ANXA11: variants seen among roughly 807,000 people sequenced by gnomAD.
The protein encoded by ANXA11 is annexin A11, also known as 56 kDa autoantigen.
In ANXA11, 57 loss-of-function variants were observed where a neutral mutation model predicts 64.7. The observed-to-expected ratio is 0.88, with a 90% CI of 0.71 to 1.10. ANXA11 has a LOEUF of 1.10. Ranked by LOEUF, ANXA11 falls within the 50% of genes least tolerant of loss-of-function variation. The pLI is 0.00. For missense variants in ANXA11, 675 were observed against 670.7 expected (o/e 1.01, Z -0.07); for synonymous variants, 260 against 265.2 (o/e 0.98, Z 0.19).
intron 1 of ANXA11, among the ~76,000 whole-genome samples, chr10:80,202,769 G>C (rs942135147): frequency 6.6e-6 from 1 of 152,092 alleles, no homozygotes; most frequent in South Asian, 2.1e-4. Flanking sequence ...GAGGAGGCCG[G>C]GCACGGTGAC....
At chr10:80,157,310 C>A in intron 15 of ANXA11, 1 of 985,400 alleles carries the variant, frequency 1.0e-6, no homozygotes, top group Non-Finnish European at 1.2e-6. Flanking sequence ...CAGAGCTCCA[C>A]AGAGCCTTTG....
At chr10:80,166,729 C>T (rs1845754622) in intron 7 of ANXA11, 161 bp downstream of exon 7, 1 of 636,760 alleles carries the variant, frequency 1.6e-6, no homozygotes, top group Non-Finnish European at 2.8e-6. Flanking sequence ...TCCTTCACCT[C>T]CCAACGATGC....
intron 1 of ANXA11, among the ~76,000 whole-genome samples, chr10:80,191,013 G>A (rs992484479): frequency 6.6e-6 from 1 of 151,924 alleles, no homozygotes; most frequent in African/African-American, 2.4e-5. Context: ...ATCACCTGAG[G>A]TCAGGAGCTT....
intron 1 of ANXA11, among the ~76,000 whole-genome samples, chr10:80,204,310 TG>T (rs1340438813): frequency 6.6e-6 from 1 of 152,196 alleles, no homozygotes; most frequent in Non-Finnish European, 1.5e-5. Context: ...GTTAATCCCC[TG>T]GAATCCCCAA....
At chr10:80,162,901 C>G (rs1397053284) in intron 11 of ANXA11, among the ~76,000 whole-genome samples, 2 of 152,156 alleles carry the variant, frequency 1.3e-5, no homozygotes, top group Non-Finnish European at 2.9e-5. Context: ...GACTTTTCCC[C>G]TTTTGTCTGC....
chr10:80,158,429 C>T (rs1485367164), intron 13 of ANXA11, among the ~76,000 whole-genome samples: 1 of 152,140 alleles, frequency 6.6e-6, no homozygotes. Flanking sequence ...GAATGTGCAT[C>T]TCCCTAGGCT....
intron 4 of ANXA11, among the ~76,000 whole-genome samples, chr10:80,169,701 G>T (rs922167717): frequency 1.3e-5 from 2 of 152,142 alleles, no homozygotes; most frequent in African/African-American, 4.8e-5. Context: ...AGGGTTGGGG[G>T]CATCCCCATC....
intron 5 of ANXA11, among the ~76,000 whole-genome samples, chr10:80,168,255 G>C (rs944993477): frequency 4.0e-5 from 6 of 151,674 alleles, no homozygotes; most frequent in South Asian, 2.1e-4. Context: ...TCTGTGCCGG[G>C]GGGGGCGGGG....
At chr10:80,183,554 G>C (rs1180236806) in intron 1 of ANXA11, among the ~76,000 whole-genome samples, 2 of 152,252 alleles carry the variant, frequency 1.3e-5, no homozygotes, top group African/African-American at 4.8e-5. Context: ...CATCACACGG[G>C]TGTGGCGGAG....
chr10:80,178,210 G>GCGCTCT (rs60897345), intron 1 of ANXA11, among the ~76,000 whole-genome samples: 4 of 149,168 alleles, frequency 2.7e-5, no homozygotes, highest in African/African-American at 9.9e-5. Context: ...CAGAAGATCT[G>GCGCTCT]CTCTCTCTCT....
At chr10:80,195,573 C>T (rs907236864) in intron 1 of ANXA11, among the ~76,000 whole-genome samples, 13 of 152,240 alleles carry the variant, frequency 8.5e-5, no homozygotes, top group Admixed American at 6.5e-4. Flanking sequence ...CAGGACACCT[C>T]TGCTTAGGTG....
intron 12 of ANXA11, among the ~76,000 whole-genome samples, chr10:80,159,717 G>GC (rs1845430502): frequency 1.3e-5 from 2 of 152,144 alleles, no homozygotes; most frequent in Non-Finnish European, 2.9e-5. Flanking sequence ...CAAGTTACAT[G>GC]CACCACCTGA....
intron 1 of ANXA11, among the ~76,000 whole-genome samples, chr10:80,200,304 C>T (rs1233825350): frequency 6.6e-6 from 1 of 152,180 alleles, no homozygotes; most frequent in Non-Finnish European, 1.5e-5. Flanking sequence ...ATTTCTGAGC[C>T]TTTCACTTAT....
At chr10:80,197,486 A>C (rs1183984184) in intron 1 of ANXA11, among the ~76,000 whole-genome samples, 1 of 152,110 alleles carries the variant, frequency 6.6e-6, no homozygotes, top group Non-Finnish European at 1.5e-5. Flanking sequence ...TCTCTCAAGG[A>C]TATTACCAGC....
chr10:80,174,767 A>G (rs1846107561), intron 2 of ANXA11, among the ~76,000 whole-genome samples: 2 of 152,166 alleles, frequency 1.3e-5, no homozygotes, highest in South Asian at 4.1e-4. Context: ...CATGTTGGCC[A>G]GGCTGGTCTG....
chr10:80,185,853 G>A (rs1846517289), intron 1 of ANXA11, among the ~76,000 whole-genome samples: 1 of 152,174 alleles, frequency 6.6e-6, no homozygotes, highest in Non-Finnish European at 1.5e-5. Context: ...TGGCCCCAGG[G>A]ACTAGTATTT....
chr10:80,171,347 G>T, intron 3 of ANXA11: 1 of 747,866 alleles, frequency 1.3e-6, no homozygotes, highest in Non-Finnish European at 1.7e-6. Context: ...GAGGGGGTTT[G>T]GCTGTTTGCT....
chr10:80,182,970 C>G (rs1846409555), intron 1 of ANXA11, among the ~76,000 whole-genome samples: 2 of 152,306 alleles, frequency 1.3e-5, no homozygotes, highest in Admixed American at 1.3e-4. Context: ...AAAAAACACA[C>G]ATCTGGTCGC....
chr10:80,169,046 C>A lies in ANXA11; in HGVS notation c.484G>T (p.Gly162Trp). 1 of 1,543,216 alleles carries A rather than the reference C, an allele frequency of 6.5e-7. No homozygotes were observed. The highest frequency in any genetic ancestry group is 8.7e-7 in the Non-Finnish European group (1 of 1,150,582). ...TAGCTCGGCACTGGCTGCTGCTGCC[C>A]AGGGAGTGGCACTGGAGGCTGACCA... The part of the protein sequence containing the change: ...YPGQPPVPLP[G>W]QQQPVPSYPG... The change falls in exon 5 of 16, where the codon GGG becomes TGG. Residue 162 changes from glycine to tryptophan, a missense_variant. Gly to Trp is a radical substitution (Grantham distance 184). Coordinates refer to ENST00000422982, the MANE Select transcript of ANXA11 (RefSeq NM_145868.2).
Sources: gnomAD v4.1 joint callset for allele counts (sites outside exome capture counted in the v4.1 genomes callset) on GRCh38, gnomAD v4.1.1 for gene constraint, MANE v1.5 for transcripts, NCBI Gene and HGNC (gene_info 2026-07-23, HGNC 2026-07-21) for gene names.